The following ASPH variants were observed in gnomAD, a reference collection of about 807,000 sequenced individuals.
ASPH encodes aspartate beta-hydroxylase.
ASPH carries 100 observed loss-of-function variants against 118.4 expected under a neutral mutation model. The ratio of observed to expected loss-of-function variants is 0.84; its 90% confidence interval spans 0.72 to 1.00. The LOEUF (loss-of-function observed/expected upper bound fraction) is 1.00, where lower values mean the gene tolerates loss of function less well. ASPH is among the 50% of genes least tolerant of loss of function. ASPH has a pLI of 0.00. For synonymous variants in ASPH, 315 were observed against 325.6 expected, an observed-to-expected ratio of 0.97 and a Z score of 0.35; for missense variants, 920 against 919.5, an observed-to-expected ratio of 1.00 and a Z score of -0.01.
At chr8:61,708,083 G>A (rs1837147515) in intron 1 of ASPH, among the ~76,000 whole-genome samples, 1 of 152,084 alleles carries the variant, frequency 6.6e-6, no homozygotes, top group Non-Finnish European at 1.5e-5. Flanking sequence ...CCACAGGAGA[G>A]GAAAATCTAG....
intron 14 of ASPH, among the ~76,000 whole-genome samples, chr8:61,610,384 G>C (rs538255684): frequency 3.3e-5 from 5 of 152,314 alleles, no homozygotes; most frequent in East Asian, 3.9e-4. Flanking sequence ...TACTATACTT[G>C]CTAAGACTGA....
chr8:61,683,896 C>T (rs936548250), intron 2 of ASPH, 143 bp downstream of exon 2: 6 of 934,472 alleles, frequency 6.4e-6, no homozygotes, highest in Admixed American at 2.5e-5. Context: ...TTCTTCATAT[C>T]CCCTTTCAGC....
At chr8:61,624,557 T>C (rs1462578080) in intron 13 of ASPH, 1 of 975,248 alleles carries the variant, frequency 1.0e-6, no homozygotes, top group Non-Finnish European at 1.2e-6. Context: ...CTGTATTTTA[T>C]TGCACTCAAC....
chr8:61,629,456 G>A (rs1854551950), intron 13 of ASPH, among the ~76,000 whole-genome samples: 5 of 152,174 alleles, frequency 3.3e-5, no homozygotes, highest in Admixed American at 3.3e-4. Context: ...AGTTTAAGGA[G>A]AAAGGTGAAA....
chr8:61,597,688 C>T (rs1312216966), intron 14 of ASPH, among the ~76,000 whole-genome samples: 5 of 152,146 alleles, frequency 3.3e-5, no homozygotes, highest in African/African-American at 1.2e-4. Flanking sequence ...CAGCATATTT[C>T]TCAGCAGAAA....
At chr8:61,585,559 C>G (rs1839163361) in intron 14 of ASPH, among the ~76,000 whole-genome samples, 1 of 151,044 alleles carries the variant, frequency 6.6e-6, no homozygotes, top group African/African-American at 2.4e-5. Context: ...AATGTCTATT[C>G]ACTCTCAGCA....
Position 61,619,000 on chromosome 8 carries a change from ATC to A in ASPH, c.952_953del (p.Asp318Ter). The A allele has an allele frequency of 6.2e-7, 1 of 1,605,954 alleles. No homozygotes were observed. Among genetic ancestry groups the A allele is most frequent in the Non-Finnish European group, 8.5e-7 (1 of 1,173,770 alleles). On this transcript the variant is annotated frameshift_variant, in exon 14 of 25. Transcript: ENST00000379454. LOFTEE classifies it high-confidence loss of function. Reference protein sequence around the residue: ...EVPPETNRKTDDPEQKAKVKK... With the variant: ...EVPPETNRKTXDPEQKAKVKK... ...CACCTTTTGCTTTTTGTTCTGGATC[ATC>A]TGTTTTTCTATTTGTTTCTGAAAAT...
intron 21 of ASPH, among the ~76,000 whole-genome samples, chr8:61,527,261 T>C (rs528688210): frequency 1.3e-5 from 2 of 152,146 alleles, no homozygotes; most frequent in African/African-American, 2.4e-5. Context: ...TTTGAATTGG[T>C]CAAGCAAAAT....
At chr8:61,579,755 G>A (rs1836803134) in intron 15 of ASPH, 8 of 839,304 alleles carry the variant, frequency 9.5e-6, no homozygotes, top group Middle Eastern at 3.4e-4. Context: ...GGTAGCACTG[G>A]GAACAGGAGA....
intron 3 of ASPH, among the ~76,000 whole-genome samples, chr8:61,666,348 T>C (rs1333996728): frequency 2.6e-5 from 4 of 152,208 alleles, no homozygotes; most frequent in African/African-American, 4.8e-5. Flanking sequence ...ATGGAAGGTA[T>C]TGCTTTCAAC....
intron 1 of ASPH, among the ~76,000 whole-genome samples, chr8:61,706,945 T>A (rs896688751): frequency 6.6e-6 from 1 of 152,142 alleles, no homozygotes; most frequent in Non-Finnish European, 1.5e-5. Context: ...ATTAGATCCC[T>A]AATAACAAAA....
chr8:61,513,836 A>G (rs1280425677), intron 24 of ASPH, among the ~76,000 whole-genome samples: 1 of 152,014 alleles, frequency 6.6e-6, no homozygotes, highest in Non-Finnish European at 1.5e-5. Flanking sequence ...TGCTAGGTGA[A>G]GATGGTTAAC....
At chr8:61,704,685 A>G (rs1445329933) in intron 1 of ASPH, among the ~76,000 whole-genome samples, 1 of 152,204 alleles carries the variant, frequency 6.6e-6, no homozygotes, top group Middle Eastern at 3.2e-3. Flanking sequence ...AAACTTCACT[A>G]AAGATAATGG....
At chr8:61,580,513 T>C (rs577257550) in intron 15 of ASPH, among the ~76,000 whole-genome samples, 162 of 152,312 alleles carry the variant, frequency 1.1e-3, no homozygotes, top group African/African-American at 3.7e-3. Context: ...ACCACAAACT[T>C]GATGGCTTAA....
chr8:61,561,431 A>C (rs930053556), intron 18 of ASPH, among the ~76,000 whole-genome samples: 3 of 152,218 alleles, frequency 2.0e-5, no homozygotes, highest in Non-Finnish European at 2.9e-5. Context: ...GCTATTAGTG[A>C]TGTTATAAAA....
chr8:61,589,807 G>A (rs1285960812), intron 14 of ASPH, among the ~76,000 whole-genome samples: 1 of 152,172 alleles, frequency 6.6e-6, no homozygotes, highest in Admixed American at 6.5e-5. Flanking sequence ...TTCTTAAGGA[G>A]GTTATAGTCT....
intron 1 of ASPH, among the ~76,000 whole-genome samples, chr8:61,710,350 T>C (rs1251122410): frequency 6.6e-6 from 1 of 152,158 alleles, no homozygotes; most frequent in East Asian, 1.9e-4. Flanking sequence ...GTATCTGATA[T>C]TAACTAACAA....
intron 7 of ASPH, among the ~76,000 whole-genome samples, chr8:61,644,320 C>A (rs138273204): frequency 2.6e-5 from 4 of 152,220 alleles, no homozygotes; most frequent in Non-Finnish European, 5.9e-5. Flanking sequence ...TTAGACCTTT[C>A]GTTGACTCTG....
chr8:61,689,787 C>A, intron 1 of ASPH: 3 of 1,500,904 alleles, frequency 2.0e-6, no homozygotes, highest in Non-Finnish European at 2.7e-6. Flanking sequence ...ACACTGCATG[C>A]ACTTGCCTAC....
Sources: allele counts gnomAD v4.1 joint callset (sites outside exome capture counted in the v4.1 genomes callset), GRCh38; gene constraint gnomAD v4.1.1; transcripts MANE v1.5; gene names NCBI Gene and HGNC (gene_info 2026-07-23, HGNC 2026-07-21).